Variants in CDH8 observed in about 807,000 individuals in gnomAD.
CDH8 encodes cadherin-8.
CDH8 carries 17 observed loss-of-function variants against 68.1 expected under a neutral mutation model. That is an observed-to-expected ratio of 0.25 (90% CI 0.17 to 0.37). The LOEUF is 0.37. Among genes scored for constraint, CDH8 ranks in the 10% least tolerant of loss-of-function variants. CDH8 has a pLI of 1.00. For missense variants in CDH8, 763 were observed against 999.3 expected (o/e 0.76, Z 3.19); for synonymous variants, 372 against 365.1 (o/e 1.02, Z -0.21).
chr16:61,718,016 C>T (rs767162183), intron 9 of CDH8, among the ~76,000 whole-genome samples: 2 of 151,118 alleles, frequency 1.3e-5, no homozygotes, highest in Admixed American at 6.6e-5. Flanking sequence ...TGGGTGTATA[C>T]GTATGTGTGA....
chr16:61,730,090 C>T (rs1368497420), intron 8 of CDH8, among the ~76,000 whole-genome samples: 3 of 151,246 alleles, frequency 2.0e-5, no homozygotes, highest in Non-Finnish European at 4.4e-5. Flanking sequence ...TGTCAAAGTC[C>T]ATTCTTATTT....
At chr16:61,873,419 C>G (rs972275419) in intron 3 of CDH8, among the ~76,000 whole-genome samples, 3 of 152,126 alleles carry the variant, frequency 2.0e-5, no homozygotes, top group African/African-American at 7.2e-5. Flanking sequence ...TAAGGATTCC[C>G]AGGCCCCCCA....
intron 7 of CDH8, among the ~76,000 whole-genome samples, chr16:61,810,748 G>A (rs184749115): frequency 2.5e-4 from 38 of 152,254 alleles, no homozygotes; most frequent in Admixed American, 4.6e-4. Flanking sequence ...ATAAGGCTGA[G>A]AGCAGTAGCT....
chr16:61,847,609 A>C (rs1962837587), intron 4 of CDH8, among the ~76,000 whole-genome samples: 1 of 149,162 alleles, frequency 6.7e-6, no homozygotes, highest in Non-Finnish European at 1.5e-5. Context: ...GGTGGGTGGA[A>C]ACTTATGATG....
intron 2 of CDH8, among the ~76,000 whole-genome samples, chr16:62,018,849 T>C (rs1195643664): frequency 6.6e-6 from 1 of 152,190 alleles, no homozygotes; most frequent in African/African-American, 2.4e-5. Context: ...AGCATGAACG[T>C]CTCACGTGTC....
chr16:61,924,660 G>T (rs916848670), intron 2 of CDH8, among the ~76,000 whole-genome samples: 1 of 151,416 alleles, frequency 6.6e-6, no homozygotes, highest in African/African-American at 2.4e-5. Context: ...ATAATCAGAA[G>T]AAATGAATAT....
intron 2 of CDH8, among the ~76,000 whole-genome samples, chr16:61,975,547 T>G (rs146153309): frequency 0.011 from 1,694 of 152,312 alleles, 14 homozygotes; most frequent in Non-Finnish European, 0.019. Flanking sequence ...CTAAGTGGGA[T>G]GTAAATTTTA....
intron 2 of CDH8, among the ~76,000 whole-genome samples, chr16:61,918,989 T>C (rs182531623): frequency 0.026 from 3,832 of 146,324 alleles, 259 homozygotes; most frequent in Non-Finnish European, 0.034. Context: ...AGACTGCCTC[T>C]TCAAGTGGGT....
chr16:61,926,153 GT>G (rs1285194339), intron 2 of CDH8, among the ~76,000 whole-genome samples: 8 of 31,724 alleles, frequency 2.5e-4, no homozygotes, highest in Non-Finnish European at 3.8e-4. Context: ...CTCAGAAGGG[GT>G]GTGTGTGTGT....
chr16:61,861,876 G>A (rs559505879), intron 3 of CDH8, among the ~76,000 whole-genome samples: 14 of 152,204 alleles, frequency 9.2e-5, no homozygotes, highest in African/African-American at 2.9e-4. Flanking sequence ...TTGACACTAC[G>A]AGCTTACTGT....
At chr16:61,905,991 TGA>T (rs990694391) in intron 2 of CDH8, among the ~76,000 whole-genome samples, 3 of 151,298 alleles carry the variant, frequency 2.0e-5, no homozygotes, top group Non-Finnish European at 4.4e-5. Flanking sequence ...AATGCAGAGA[TGA>T]GAGAGAGCAT....
At chr16:61,736,454 T>G (rs1959689008) in intron 8 of CDH8, among the ~76,000 whole-genome samples, 1 of 152,226 alleles carries the variant, frequency 6.6e-6, no homozygotes, top group South Asian at 2.1e-4. Flanking sequence ...AGAGAAATTA[T>G]GTTTCATTTT....
At chr16:62,035,110 C>T (rs937663580) in intron 1 of CDH8, 1 of 151,594 alleles carries the variant, frequency 6.6e-6, no homozygotes, top group East Asian at 2.0e-4. Context: ...GGCGGCAGCA[C>T]GTTTTTTTAC....
chr16:61,781,827 T>A (rs889600350), intron 8 of CDH8, among the ~76,000 whole-genome samples: 1 of 152,132 alleles, frequency 6.6e-6, no homozygotes, highest in South Asian at 2.1e-4. Context: ...CTAAATGAGG[T>A]TAACACTTCT....
chr16:61,768,372 T>TCTC (rs1960676792), intron 8 of CDH8, among the ~76,000 whole-genome samples: 3 of 38,932 alleles, frequency 7.7e-5, no homozygotes, highest in East Asian at 1.0e-3. Context: ...CTCTCTCCCT[T>TCTC]TCTCTCTCTC....
intron 2 of CDH8, among the ~76,000 whole-genome samples, chr16:61,985,742 C>T (rs1965614038): frequency 6.6e-6 from 1 of 152,060 alleles, no homozygotes; most frequent in African/African-American, 2.4e-5. Flanking sequence ...ATCTGCCCGC[C>T]TCGGCCTCCC....
intron 9 of CDH8, among the ~76,000 whole-genome samples, chr16:61,723,800 C>T (rs1266744178): frequency 1.3e-5 from 2 of 150,518 alleles, no homozygotes; most frequent in African/African-American, 4.9e-5. Flanking sequence ...CCATTTTTGC[C>T]ATGGACGTTA....
Position 61,911,755 on chromosome 16 carries a change from AC to A in CDH8, c.253-10283del, listed in dbSNP as rs1000196193. On this transcript the variant is annotated intron_variant, in intron 2 of 11. Transcript: ENST00000577390. ...AAGCAGAAGTTTTCAACAAATAAAC[AC>A]CCAGTGAAGTAATAAATGATGAAAT... Among the ~76,000 whole-genome samples, 6 of 152,126 alleles carry A rather than the reference AC, an allele frequency of 3.9e-5. No homozygotes were observed. The East Asian group carries it at 5.8e-4, about 15-fold the overall frequency.
At chr16:61,852,893 CCATT>C (rs143631120) in intron 4 of CDH8, among the ~76,000 whole-genome samples, 409 of 91,244 alleles carry the variant, frequency 4.5e-3, no homozygotes, top group South Asian at 7.0e-3. Context: ...TTCCTTCCTT[CCATT>C]CTTCCTTCCT....
Sources: gnomAD v4.1 joint callset for allele counts (sites outside exome capture counted in the v4.1 genomes callset) on GRCh38, gnomAD v4.1.1 for gene constraint, MANE v1.5 for transcripts, NCBI Gene and HGNC (gene_info 2026-07-23, HGNC 2026-07-21) for gene names.